The following TMLHE variants were observed in gnomAD, a reference collection of about 807,000 sequenced individuals.
TMLHE encodes trimethyllysine dioxygenase, mitochondrial.
In TMLHE, 18 loss-of-function variants were observed where a neutral mutation model predicts 25.7. The ratio of observed to expected loss-of-function variants is 0.70; its 90% confidence interval spans 0.48 to 1.04. The LOEUF (loss-of-function observed/expected upper bound fraction) is 1.04. Among genes scored for constraint, TMLHE ranks in the 50% least tolerant of loss-of-function variants. The probability of loss-of-function intolerance (pLI) is 0.00; values close to 1 mark genes in which losing one functional copy is unlikely to be tolerated. For synonymous variants in TMLHE, 105 were observed against 97.0 expected, an observed-to-expected ratio of 1.08 and a Z score of -0.49; for missense variants, 236 against 259.0, an observed-to-expected ratio of 0.91 and a Z score of 0.61.
intron 2 of TMLHE, among the ~76,000 whole-genome samples, chrX:155,530,143 C>A (rs2067241096): frequency 8.9e-6 from 1 of 111,767 alleles, no homozygotes; most frequent in South Asian, 3.7e-4. Flanking sequence ...CAGCATTATT[C>A]ATGAAAGCCA....
intron 3 of TMLHE, among the ~76,000 whole-genome samples, chrX:155,518,290 G>A (rs1197372061): frequency 1.2e-5 from 1 of 81,891 alleles, no homozygotes; most frequent in African/African-American, 4.6e-5. Flanking sequence ...TGTGGTTTTT[G>A]TCTTTGGCTC....
At chrX:155,553,529 CT>C (rs2067428389) in intron 1 of TMLHE, among the ~76,000 whole-genome samples, 1 of 109,269 alleles carries the variant, frequency 9.2e-6, no homozygotes, top group African/African-American at 3.4e-5. Context: ...TTCTTCCATC[CT>C]TTTACTTTCA....
At chrX:155,592,896 C>T (rs1452773430) in intron 1 of TMLHE, among the ~76,000 whole-genome samples, 1 of 111,800 alleles carries the variant, frequency 8.9e-6, no homozygotes, top group Non-Finnish European at 1.9e-5. Context: ...TGGCCAGCCT[C>T]CATGCCCAGC....
chrX:155,511,855 A>T, intron 4 of TMLHE, 63 bp from the exon 5 acceptor site: 1 of 1,058,866 alleles, frequency 9.4e-7, no homozygotes, highest in Non-Finnish European at 1.3e-6. Flanking sequence ...GTCTTTCAAA[A>T]CTCCTTCCAA....
intron 5 of TMLHE, among the ~76,000 whole-genome samples, chrX:155,508,042 T>C (rs1450998335): frequency 9.0e-6 from 1 of 110,710 alleles, no homozygotes; most frequent in Non-Finnish European, 1.9e-5. Context: ...AAAATGATAA[T>C]GCTATTTACT....
intron 1 of TMLHE, among the ~76,000 whole-genome samples, chrX:155,596,122 A>C (rs1557346471): frequency 8.9e-6 from 1 of 112,223 alleles, no homozygotes; most frequent in African/African-American, 3.2e-5. Context: ...CGCTTTGTGC[A>C]AATGCAGTCA....
chrX:155,582,617 A>G (rs1376419552), intron 1 of TMLHE, among the ~76,000 whole-genome samples: 1 of 112,074 alleles, frequency 8.9e-6, no homozygotes, highest in Non-Finnish European at 1.9e-5. Flanking sequence ...CAAAACCACA[A>G]TGAGATACCA....
At chrX:155,602,572 C>A (rs935540885) in intron 1 of TMLHE, among the ~76,000 whole-genome samples, 6 of 110,896 alleles carry the variant, frequency 5.4e-5, no homozygotes, top group Non-Finnish European at 9.4e-5. Context: ...GCAAGGAAAA[C>A]AAGTAAAAGG....
At chrX:155,598,408 T>C (rs2067735779) in intron 1 of TMLHE, among the ~76,000 whole-genome samples, 1 of 109,412 alleles carries the variant, frequency 9.1e-6, no homozygotes, top group African/African-American at 3.3e-5. Flanking sequence ...TGTAGGGACA[T>C]GGATGAAGCT....
At chrX:155,588,259 C>T (rs1402278244) in intron 1 of TMLHE, among the ~76,000 whole-genome samples, 1 of 111,750 alleles carries the variant, frequency 8.9e-6, no homozygotes, top group Non-Finnish European at 1.9e-5. Context: ...TGAAAGGAAA[C>T]CCTCTTCAAT....
intron 4 of TMLHE, among the ~76,000 whole-genome samples, chrX:155,512,579 T>C (rs2067125142): frequency 9.0e-6 from 1 of 111,015 alleles, no homozygotes; most frequent in Admixed American, 9.6e-5. Context: ...TGTTGGACAT[T>C]TGGGTTGGTT....
chrX:155,576,308 TA>T (rs1432172467), intron 1 of TMLHE, among the ~76,000 whole-genome samples: 1 of 110,864 alleles, frequency 9.0e-6, no homozygotes, highest in Non-Finnish European at 1.9e-5. Context: ...ACCAGGAAGG[TA>T]AAAAATATCT....
intron 5 of TMLHE, among the ~76,000 whole-genome samples, chrX:155,507,465 C>G (rs879972496): frequency 9.3e-6 from 1 of 107,984 alleles, no homozygotes; most frequent in Admixed American, 1.0e-4. Flanking sequence ...CAAATAAATA[C>G]CAAATAAAAT....
chrX:155,513,958 T>G (rs375967523), intron 4 of TMLHE, 28 bp downstream of exon 4: 7 of 1,184,957 alleles, frequency 5.9e-6, no homozygotes, highest in Non-Finnish European at 8.0e-6. Flanking sequence ...ATTATAATAC[T>G]GTGGATTTTA....
chrX:155,578,220 G>A (rs2067603456), intron 1 of TMLHE, among the ~76,000 whole-genome samples: 1 of 111,782 alleles, frequency 8.9e-6, no homozygotes, highest in Non-Finnish European at 1.9e-5. Flanking sequence ...CTCCCAGATG[G>A]CAGGCCCACA....
chrX:155,608,233 G>C (rs967029341), intron 1 of TMLHE, among the ~76,000 whole-genome samples: 1 of 111,727 alleles, frequency 9.0e-6, no homozygotes, highest in Non-Finnish European at 1.9e-5. Context: ...ACAAAATGGA[G>C]AGCCCAGAAA....
At chrX:155,566,286 G>T (rs2067511434) in intron 1 of TMLHE, among the ~76,000 whole-genome samples, 1 of 61,001 alleles carries the variant, frequency 1.6e-5, no homozygotes, top group Non-Finnish European at 4.6e-5. Context: ...TTGTCTACTG[G>T]GGCACCATTA....
At chrX:155,549,437 G>C (rs1248632341) in intron 1 of TMLHE, among the ~76,000 whole-genome samples, 1 of 110,046 alleles carries the variant, frequency 9.1e-6, no homozygotes, top group Admixed American at 9.7e-5. Context: ...TATTTATCAG[G>C]AATATGACTT....
chrX:155,602,141 C>A (rs782808013), intron 1 of TMLHE, among the ~76,000 whole-genome samples: 1 of 111,285 alleles, frequency 9.0e-6, no homozygotes, highest in East Asian at 2.8e-4. Context: ...AATTCCTTAA[C>A]AAGATGTTAG....
Sources: allele counts gnomAD v4.1 joint callset (sites outside exome capture counted in the v4.1 genomes callset), GRCh38; gene constraint gnomAD v4.1.1; transcripts MANE v1.5; gene names NCBI Gene and HGNC (gene_info 2026-07-23, HGNC 2026-07-21).